Variants in KCNMB2 observed in about 807,000 individuals in gnomAD.
The protein encoded by KCNMB2 is calcium-activated potassium channel subunit beta-2.
A neutral mutation model predicts 24.5 loss-of-function variants in KCNMB2; 9 were observed. That is an observed-to-expected ratio of 0.37 (90% CI 0.22 to 0.64). The LOEUF is 0.64. Among genes scored for constraint, KCNMB2 ranks in the 30% least tolerant of loss-of-function variants. The pLI is 0.63. For missense variants in KCNMB2, 226 were observed against 284.3 expected (o/e 0.79, Z 1.47); for synonymous variants, 109 against 104.4 (o/e 1.04, Z -0.27).
intron 1 of KCNMB2, among the ~76,000 whole-genome samples, chr3:178,605,429 G>A (rs141247077): frequency 3.3e-5 from 5 of 152,262 alleles, no homozygotes; most frequent in African/African-American, 1.2e-4. Flanking sequence ...AGAAGTGAAC[G>A]TGCTGCTGTA....
intron 1 of KCNMB2, among the ~76,000 whole-genome samples, chr3:178,601,840 G>T (rs1323062176): frequency 6.6e-6 from 1 of 152,136 alleles, no homozygotes; most frequent in Non-Finnish European, 1.5e-5. Flanking sequence ...CAATTAGCTG[G>T]GGCCACAAAG....
At chr3:178,837,935 T>C (rs1484221756) in intron 4 of KCNMB2, among the ~76,000 whole-genome samples, 1 of 152,158 alleles carries the variant, frequency 6.6e-6, no homozygotes, top group African/African-American at 2.4e-5. Flanking sequence ...AAAACTTCAC[T>C]TTCAATGGAA....
intron 1 of KCNMB2, among the ~76,000 whole-genome samples, chr3:178,720,088 T>G (rs1031347286): frequency 2.0e-5 from 3 of 152,130 alleles, no homozygotes; most frequent in African/African-American, 7.2e-5. Flanking sequence ...CATTAACTCG[T>G]CATTTAGCAT....
At position 178,587,601 on chromosome 3, in the gene KCNMB2, G is replaced by GTTT. The variant is rs764417885; in HGVS notation, c.-68+50890_-68+50891insTTT. On this transcript the variant is annotated intron_variant, in intron 1 of 4. Coordinates refer to ENST00000452583, the MANE Select transcript of KCNMB2 (RefSeq NM_181361.3). ...GCCACACCCGGCTAATTTTTTGGGTGGTTTTTTTTTTTTTTTGTATTTTTA... is the reference window on the plus strand; with the variant it reads ...GCCACACCCGGCTAATTTTTTGGGTGTTTGTTTTTTTTTTTTTTTGTATTTTTA... 3.7e-3 allele frequency among the ~76,000 whole-genome samples: 492 copies of GTTT among 133,050 alleles called. 4 individuals are homozygous for GTTT. Among genetic ancestry groups the GTTT allele is most frequent in the African/African-American group, 0.013 (450 of 35,216 alleles). The allele number at this position is 133,050 out of a possible 152,430, so 87.3% of individuals were successfully genotyped here. A position where few individuals can be genotyped will look rare whatever the true frequency, so the allele number is the denominator to read the frequency against.
At chr3:178,711,830 C>G (rs1717613457) in intron 1 of KCNMB2, among the ~76,000 whole-genome samples, 1 of 152,194 alleles carries the variant, frequency 6.6e-6, no homozygotes. Context: ...GACCTTGTTT[C>G]AAATTATGTT....
chr3:178,596,459 G>T (rs1345720663), intron 1 of KCNMB2, among the ~76,000 whole-genome samples: 6 of 152,020 alleles, frequency 3.9e-5, no homozygotes, highest in Non-Finnish European at 8.8e-5. Flanking sequence ...TGGAAGAGTT[G>T]GGATATGAAC....
chr3:178,721,660 G>A (rs1011868743), intron 1 of KCNMB2, among the ~76,000 whole-genome samples: 1 of 152,184 alleles, frequency 6.6e-6, no homozygotes, highest in African/African-American at 2.4e-5. Context: ...CACTGTGGAT[G>A]AGTGGGTGTA....
intron 1 of KCNMB2, among the ~76,000 whole-genome samples, chr3:178,706,426 G>A (rs1337713014): frequency 6.6e-6 from 1 of 152,028 alleles, no homozygotes; most frequent in Non-Finnish European, 1.5e-5. Flanking sequence ...TCTAGTCTTT[G>A]TTTGTGTAGA....
intron 1 of KCNMB2, among the ~76,000 whole-genome samples, chr3:178,583,108 C>A (rs1256374230): frequency 6.6e-6 from 1 of 152,012 alleles, no homozygotes; most frequent in Non-Finnish European, 1.5e-5. Flanking sequence ...TAATCTATGT[C>A]TTAGGACTTC....
intron 1 of KCNMB2, among the ~76,000 whole-genome samples, chr3:178,754,788 C>A (rs139358241): frequency 1.3e-5 from 2 of 152,336 alleles, no homozygotes; most frequent in East Asian, 3.9e-4. Context: ...GAACTGAGTG[C>A]TCCCAGCTTC....
chr3:178,698,437 T>C (rs1721961013), intron 1 of KCNMB2, among the ~76,000 whole-genome samples: 1 of 152,234 alleles, frequency 6.6e-6, no homozygotes, highest in African/African-American at 2.4e-5. Context: ...GATTGCATTA[T>C]TAAATTCTTG....
chr3:178,806,417 A>G (rs532808322), intron 1 of KCNMB2, among the ~76,000 whole-genome samples: 2 of 152,330 alleles, frequency 1.3e-5, no homozygotes, highest in South Asian at 4.1e-4. Flanking sequence ...ATAGTAGCTA[A>G]TGTTATTTCC....
chr3:178,593,353 C>T (rs1403526924), intron 1 of KCNMB2, among the ~76,000 whole-genome samples: 2 of 152,028 alleles, frequency 1.3e-5, no homozygotes, highest in African/African-American at 4.8e-5. Context: ...GACTCAGTTC[C>T]TTCTACAGGG....
intron 1 of KCNMB2, among the ~76,000 whole-genome samples, chr3:178,682,308 T>C (rs894952358): frequency 2.0e-5 from 3 of 152,182 alleles, no homozygotes; most frequent in African/African-American, 4.8e-5. Flanking sequence ...GCCAGGCACA[T>C]AGTCACTACA....
intron 1 of KCNMB2, among the ~76,000 whole-genome samples, chr3:178,610,574 A>G (rs1486624984): frequency 6.6e-6 from 1 of 152,224 alleles, no homozygotes; most frequent in African/African-American, 2.4e-5. Context: ...GCATATAGAA[A>G]TACTACTGAT....
intron 1 of KCNMB2, among the ~76,000 whole-genome samples, chr3:178,739,667 G>C (rs1478302897): frequency 6.6e-6 from 1 of 152,152 alleles, no homozygotes. Context: ...GGAAAACAGT[G>C]TGCTATTGAA....
intron 1 of KCNMB2, among the ~76,000 whole-genome samples, chr3:178,715,018 CTTTG>C (rs1303679815): frequency 4.6e-5 from 7 of 152,128 alleles, no homozygotes; most frequent in African/African-American, 1.4e-4. Flanking sequence ...TATCTGACCA[CTTTG>C]TTTATTTTGG....
At chr3:178,797,508 A>T (rs980198065) in intron 1 of KCNMB2, among the ~76,000 whole-genome samples, 2 of 152,230 alleles carry the variant, frequency 1.3e-5, no homozygotes, top group Admixed American at 1.3e-4. Context: ...TCAACAACAC[A>T]TTAAAAAGAT....
chr3:178,735,467 GCA>G (rs1287494357), intron 1 of KCNMB2, among the ~76,000 whole-genome samples: 4 of 152,204 alleles, frequency 2.6e-5, no homozygotes, highest in Non-Finnish European at 4.4e-5. Context: ...GCGAGCCAAC[GCA>G]CACTCTGAAG....
Sources: allele counts gnomAD v4.1 joint callset (sites outside exome capture counted in the v4.1 genomes callset), GRCh38; gene constraint gnomAD v4.1.1; transcripts MANE v1.5; gene names NCBI Gene and HGNC (gene_info 2026-07-23, HGNC 2026-07-21).